Variants in PCSK6 observed in about 807,000 individuals in gnomAD.
The protein encoded by PCSK6 is paired basic amino acid cleaving enzyme 4.
A neutral mutation model predicts 123.3 loss-of-function variants in PCSK6; 85 were observed. The observed-to-expected ratio is 0.69, with a 90% CI of 0.58 to 0.83. The LOEUF is 0.83. PCSK6 is among the 40% of genes least tolerant of loss of function. The pLI is 0.00. For synonymous variants in PCSK6, 508 were observed against 516.0 expected (o/e 0.98, Z 0.21); for missense variants, 1,191 against 1,282.3 (o/e 0.93, Z 1.09).
chr15:101,316,344 G>A (rs1325905071), intron 19 of PCSK6: 1 of 152,208 alleles, frequency 6.6e-6, no homozygotes, highest in Non-Finnish European at 1.5e-5. Flanking sequence ...TGAAGTGATG[G>A]AGAAGTCACT....
At chr15:101,422,590 C>T (rs62027163) in intron 6 of PCSK6, among the ~76,000 whole-genome samples, 22,886 of 151,670 alleles carry the variant, frequency 0.15, 1,995 homozygotes, top group Non-Finnish European at 0.2. Flanking sequence ...CAGGTCTCCA[C>T]AAGCTCACAT....
At chr15:101,427,361 G>C (rs2056293887) in intron 6 of PCSK6, among the ~76,000 whole-genome samples, 1 of 152,114 alleles carries the variant, frequency 6.6e-6, no homozygotes, top group South Asian at 2.1e-4. Context: ...GGAAAGACGG[G>C]GGAGGCGGGG....
At chr15:101,377,909 A>G (rs565651382) in intron 11 of PCSK6, among the ~76,000 whole-genome samples, 1 of 152,226 alleles carries the variant, frequency 6.6e-6, no homozygotes, top group Non-Finnish European at 1.5e-5. Flanking sequence ...ACCAGCAGAA[A>G]CTAAAGACGT....
intron 1 of PCSK6, among the ~76,000 whole-genome samples, chr15:101,463,684 T>C (rs2057389443): frequency 6.6e-6 from 1 of 152,176 alleles, no homozygotes. Context: ...AGTCTGTGTG[T>C]GTGAATAAGG....
rs565139911 is a variant in PCSK6 at position 101,458,969 on chromosome 15, G to A, written c.298-15309C>T. Among the ~76,000 whole-genome samples the A allele has an allele frequency of 1.1e-3, 173 of 152,244 alleles. 1 individual carries two copies. The highest frequency in any genetic ancestry group is 4.1e-3 in the African/African-American group (169 of 41,552). ...CTGGATGGGCCTGGATTTTACTACT[G>A]ACAGCTGTAGGACTGTGGTTCACGA... is the stretch of plus-strand genomic sequence containing the variant. On this transcript the variant is annotated intron_variant, in intron 1 of 21. Transcript: ENST00000611716.
intron 1 of PCSK6, 131 bp from the exon 2 acceptor site, chr15:101,443,791 C>G (rs946114162): frequency 2.8e-5 from 19 of 690,380 alleles, no homozygotes; most frequent in Non-Finnish European, 4.7e-5. Flanking sequence ...CTCCATCACC[C>G]TGCTCCTCAT....
chr15:101,483,810 A>G (rs960971308), intron 1 of PCSK6, among the ~76,000 whole-genome samples: 1 of 152,236 alleles, frequency 6.6e-6, no homozygotes. Context: ...GCAGCCAGAC[A>G]TTCTGTTTCT....
At chr15:101,405,365 T>C (rs970687855) in intron 6 of PCSK6, among the ~76,000 whole-genome samples, 1 of 152,172 alleles carries the variant, frequency 6.6e-6, no homozygotes, top group Non-Finnish European at 1.5e-5. Context: ...CGTGGCACAA[T>C]GAACCCGCCT....
chr15:101,365,871 G>A (rs2041371793), intron 13 of PCSK6: 2 of 198,894 alleles, frequency 1.0e-5, no homozygotes, highest in East Asian at 1.1e-4. Flanking sequence ...CCAAAGAAAT[G>A]GTAAGTGGAT....
At chr15:101,323,053 A>G (rs1271804853) in intron 17 of PCSK6, among the ~76,000 whole-genome samples, 1 of 152,230 alleles carries the variant, frequency 6.6e-6, no homozygotes, top group Non-Finnish European at 1.5e-5. Flanking sequence ...ACAGGAACCT[A>G]CGGCGAGTCA....
At position 101,322,540 on chromosome 15, in the gene PCSK6, A is replaced by G; in HGVS notation, c.2445T>C (p.Thr815=). 6.2e-7 allele frequency: 1 copy of G among 1,613,480 alleles called. No individual in the cohort carries two copies. The highest frequency in any genetic ancestry group is 1.3e-5 in the African/African-American group (1 of 75,026). The change falls in exon 18 of 22, where the codon ACT becomes ACC. Residue 815 remains threonine (T), a synonymous_variant. Coordinates refer to ENST00000611716, the MANE Select transcript of PCSK6 (RefSeq NM_002570.5). The part of the protein sequence containing the change: ...KKCVDEPEKC[T]VCKEGFSLAR... Reference sequence around the variant, plus strand: ...TTTACCTGAATCCTTCTTTACAGACAGTACATTTCTCAGGTTCATCCACGC... The same window carrying G: ...TTTACCTGAATCCTTCTTTACAGACGGTACATTTCTCAGGTTCATCCACGC...
intron 11 of PCSK6, among the ~76,000 whole-genome samples, chr15:101,381,678 G>C (rs1271725706): frequency 6.6e-6 from 1 of 152,208 alleles, no homozygotes; most frequent in African/African-American, 2.4e-5. Context: ...CAGTTAGGCT[G>C]GGCTGGGGCT....
intron 4 of PCSK6, 87 bp downstream of exon 4, chr15:101,431,233 C>A: frequency 1.4e-6 from 2 of 1,390,598 alleles, no homozygotes; most frequent in Non-Finnish European, 1.0e-6. Flanking sequence ...TGGGGGAGAT[C>A]GGGACCTTAC....
chr15:101,366,415 G>T lies in PCSK6; in HGVS notation c.1722-83C>A. 2.8e-6 allele frequency: 4 copies of T among 1,449,296 alleles called. 1 individual carries two copies. Among genetic ancestry groups the T allele is most frequent in the South Asian group, 1.3e-5 (1 of 76,618 alleles). The allele number at this position is 1,449,296 out of a possible 1,614,324, so 89.8% of individuals were successfully genotyped here. ...AGGGGCTGGCACAAGCAGGGCTCTC[G>T]GGGGACTGTATGACCTGGCTGGACC... is the stretch of plus-strand genomic sequence containing the variant. On this transcript the variant is annotated intron_variant, in intron 12 of 21. Coordinates refer to ENST00000611716, the MANE Select transcript of PCSK6 (RefSeq NM_002570.5).
intron 6 of PCSK6, among the ~76,000 whole-genome samples, chr15:101,419,153 C>A (rs2055993743): frequency 6.6e-6 from 1 of 151,396 alleles, no homozygotes; most frequent in Non-Finnish European, 1.5e-5. Context: ...ATAAAACCAC[C>A]ATTATATTTA....
chr15:101,307,084 G>C, intron 21 of PCSK6, 129 bp downstream of exon 21: 4 of 661,162 alleles, frequency 6.0e-6, no homozygotes, highest in East Asian at 5.5e-5. Flanking sequence ...ACAGTCAATC[G>C]GATCAGGGGC....
rs540904224 is a variant in PCSK6, at chr15:101,457,665, C to T, written c.298-14005G>A. 2.4e-4 allele frequency among the ~76,000 whole-genome samples: 36 copies of T among 152,254 alleles called. No individual in the cohort carries two copies. The South Asian group carries it at 3.9e-3, about 17-fold the overall frequency. The stretch of plus-strand genomic sequence containing the variant: ...TGTGGGGAAGATAATCCCACCTAGA[C>T]GGAGCCATACAGGGCCAAGGTGAAC... On this transcript the variant is annotated intron_variant, in intron 1 of 21. Transcript: ENST00000611716.
Position 101,381,185 on chromosome 15 carries a change from A to G in PCSK6, c.1532+907T>C, listed in dbSNP as rs146809615. On this transcript the variant is annotated intron_variant, in intron 11 of 21. Transcript: ENST00000611716. ...GAGACCAGCCTGGCCAAGATGGTGA[A>G]ACCCCATCTCTACTAAAAATACAAA... Among the ~76,000 whole-genome samples the G allele has an allele frequency of 0.013, 2,045 of 152,124 alleles. 157 individuals are homozygous for G. In the East Asian group the frequency reaches 0.2, roughly 15 times the overall value.
intron 15 of PCSK6, 101 bp from the exon 16 acceptor site, chr15:101,326,580 G>T: frequency 8.5e-7 from 1 of 1,181,226 alleles, no homozygotes; most frequent in South Asian, 1.4e-5. Context: ...TGGCAGGGTT[G>T]GGAGACGCTC....
Sources: gnomAD v4.1 joint callset for allele counts (sites outside exome capture counted in the v4.1 genomes callset) on GRCh38, gnomAD v4.1.1 for gene constraint, MANE v1.5 for transcripts, NCBI Gene and HGNC (gene_info 2026-07-23, HGNC 2026-07-21) for gene names.